PDE7B: variants seen among roughly 807,000 people sequenced by gnomAD.
PDE7B encodes the protein phosphodiesterase 7B, also known as 3',5'-cyclic-AMP phosphodiesterase 7B.
PDE7B carries 29 observed loss-of-function variants against 56.2 expected under a neutral mutation model. The ratio of observed to expected loss-of-function variants is 0.52; its 90% CI spans 0.38 to 0.70. The LOEUF is 0.70. Ranked by LOEUF, PDE7B falls within the 30% of genes least tolerant of loss-of-function variation. PDE7B has a pLI of 0.00. For synonymous variants in PDE7B, 197 were observed against 196.9 expected, an observed-to-expected ratio of 1.00 and a Z score of 0.00; for missense variants, 490 against 565.0, an observed-to-expected ratio of 0.87 and a Z score of 1.35.
At chr6:135,865,615 T>TTGTGTGTGTGTGTGTGTG (rs3037648) in intron 1 of PDE7B, among the ~76,000 whole-genome samples, 5 of 142,270 alleles carry the variant, frequency 3.5e-5, no homozygotes, top group African/African-American at 1.3e-4. Flanking sequence ...GCACTAGGCA[T>TTGTGTGTGTGTGTGTGTG]TGTGTGTGTG....
chr6:136,087,513 C>CTT (rs965536733), intron 2 of PDE7B, among the ~76,000 whole-genome samples: 2 of 152,138 alleles, frequency 1.3e-5, no homozygotes, highest in African/African-American at 4.8e-5. Flanking sequence ...TTTATTCTGA[C>CTT]TTGGAAATTA....
chr6:136,183,306 A>C (rs1208894802), intron 11 of PDE7B, among the ~76,000 whole-genome samples: 3 of 151,844 alleles, frequency 2.0e-5, no homozygotes, highest in Non-Finnish European at 4.4e-5. Flanking sequence ...TTAAGAGAAG[A>C]TTATAGGCTG....
At chr6:135,909,359 A>G (rs1253433895) in intron 1 of PDE7B, among the ~76,000 whole-genome samples, 1 of 152,114 alleles carries the variant, frequency 6.6e-6, no homozygotes, top group African/African-American at 2.4e-5. Context: ...TTCTTCCTAT[A>G]ATCCCAGCAC....
chr6:136,160,523 C>G (rs1778687011), intron 8 of PDE7B, among the ~76,000 whole-genome samples: 1 of 152,136 alleles, frequency 6.6e-6, no homozygotes, highest in Non-Finnish European at 1.5e-5. Flanking sequence ...CCCTTTGCCT[C>G]TCCCCTAGGT....
chr6:136,171,641 T>TA (rs1562512590), intron 8 of PDE7B, among the ~76,000 whole-genome samples: 2 of 152,010 alleles, frequency 1.3e-5, no homozygotes, highest in Admixed American at 6.6e-5. Context: ...TCACTTTTTT[T>TA]TTATTATTAT....
Position 136,147,577 on chromosome 6 carries a change from T to C in PDE7B, c.318+75T>C. On this transcript the variant is annotated intron_variant, in intron 4 of 12. Coordinates refer to ENST00000308191, the MANE Select transcript of PDE7B (RefSeq NM_018945.4). ...GTGCCTCAGCTGATAGCACTGGTGTTGGAGTCCTACTCTGCCTCTGAGGAG... is the reference window on the plus strand; with the variant it reads ...GTGCCTCAGCTGATAGCACTGGTGTCGGAGTCCTACTCTGCCTCTGAGGAG... 2.3e-6 allele frequency: 3 copies of C among 1,277,792 alleles called. No individual in the cohort carries two copies. The Admixed American group carries it at 5.4e-5, about 23-fold the overall frequency. 79.2% of individuals were successfully genotyped at this position (1,277,792 alleles called of 1,614,324 possible). A position where few individuals can be genotyped will look rare whatever the true frequency, so the allele number is the denominator to read the frequency against.
chr6:136,033,733 A>G (rs904124043), intron 2 of PDE7B, among the ~76,000 whole-genome samples: 3 of 152,214 alleles, frequency 2.0e-5, no homozygotes, highest in African/African-American at 7.2e-5. Context: ...AGCTAAGGCC[A>G]GAGTTATCAC....
intron 1 of PDE7B, among the ~76,000 whole-genome samples, chr6:135,943,712 T>C (rs570672883): frequency 5.9e-5 from 9 of 152,284 alleles, no homozygotes; most frequent in African/African-American, 1.9e-4. Context: ...AGTCCACAGA[T>C]ATTTAGTCTA....
At position 136,181,452 on chromosome 6, in the gene PDE7B, T is replaced by G. The variant is rs1404549179; in HGVS notation, c.1045+129T>G. ...CATCAACTCTTGTTATCCTAACCTTTCTCTTTTACTCTCTTGGAACTCATC... is the reference window on the plus strand; with the variant it reads ...CATCAACTCTTGTTATCCTAACCTTGCTCTTTTACTCTCTTGGAACTCATC... On this transcript the variant is annotated intron_variant, in intron 11 of 12. Coordinates refer to ENST00000308191, the MANE Select transcript of PDE7B (RefSeq NM_018945.4). 19 of 642,136 alleles carry G rather than the reference T, an allele frequency of 3.0e-5. No individual in the cohort carries two copies. The East Asian group carries it at 4.9e-4, about 17-fold the overall frequency. The allele number at this position is 642,136 out of a possible 1,614,324, so 39.8% of individuals were successfully genotyped here.
At position 136,004,147 on chromosome 6, in the gene PDE7B, C is replaced by A. The variant is rs1020773687; in HGVS notation, c.82+56623C>A. On this transcript the variant is annotated intron_variant, in intron 2 of 12. Coordinates refer to ENST00000308191, the MANE Select transcript of PDE7B (RefSeq NM_018945.4). ...TGCAGAAAAGGCCTTTGACAAAATT[C>A]AACAACCCTTCATGCTAAAAACTCT... Among the ~76,000 whole-genome samples, 9 of 152,250 alleles carry A rather than the reference C, an allele frequency of 5.9e-5. 1 individual carries two copies. The highest frequency in any genetic ancestry group is 3.3e-4 in the Admixed American group (5 of 15,296).
chr6:136,085,652 A>G (rs11964767), intron 2 of PDE7B, among the ~76,000 whole-genome samples: 3,633 of 152,342 alleles, frequency 0.024, 134 homozygotes, highest in African/African-American at 0.081. Flanking sequence ...CTGGGGATGC[A>G]GCACTGAAGG....
At chr6:135,990,104 T>G (rs1775453530) in intron 2 of PDE7B, among the ~76,000 whole-genome samples, 2 of 150,934 alleles carry the variant, frequency 1.3e-5, no homozygotes, top group South Asian at 2.1e-4. Context: ...TTTTGTTTTT[T>G]TTTTTTTTTG....
chr6:136,157,331 A>G (rs535133222), intron 8 of PDE7B, among the ~76,000 whole-genome samples: 1 of 152,314 alleles, frequency 6.6e-6, no homozygotes, highest in South Asian at 2.1e-4. Flanking sequence ...CTGTAATCTC[A>G]GCACTTTGGG....
At chr6:135,932,766 A>T (rs1487750874) in intron 1 of PDE7B, among the ~76,000 whole-genome samples, 1 of 152,190 alleles carries the variant, frequency 6.6e-6, no homozygotes, top group Non-Finnish European at 1.5e-5. Flanking sequence ...TCCAAAGCCC[A>T]CGTTCTCTGG....
chr6:135,923,902 A>T (rs1265116345), intron 1 of PDE7B, among the ~76,000 whole-genome samples: 2 of 152,202 alleles, frequency 1.3e-5, no homozygotes, highest in African/African-American at 2.4e-5. Flanking sequence ...AACAACTGAG[A>T]TGGTTAGCAG....
chr6:135,940,751 T>A (rs1468735883), intron 1 of PDE7B, among the ~76,000 whole-genome samples: 1 of 152,186 alleles, frequency 6.6e-6, no homozygotes, highest in Non-Finnish European at 1.5e-5. Context: ...CAGCTGCACA[T>A]CATGCAGCTG....
rs372177786 is a variant in PDE7B at position 135,999,812 on chromosome 6, G to A, written c.82+52288G>A. 6.6e-5 allele frequency among the ~76,000 whole-genome samples: 10 copies of A among 152,264 alleles called. No individual in the cohort carries two copies. The East Asian group carries it at 1.3e-3, about 21-fold the overall frequency. On this transcript the variant is annotated intron_variant, in intron 2 of 12. Coordinates refer to ENST00000308191, the MANE Select transcript of PDE7B (RefSeq NM_018945.4). The stretch of plus-strand genomic sequence containing the variant: ...GATTGCTGGGCCGAATAGTAGTTCT[G>A]ATTTTAGCCCTTTGAGGAATTGCCA...
intron 8 of PDE7B, among the ~76,000 whole-genome samples, chr6:136,171,960 C>T (rs545789689): frequency 2.6e-5 from 4 of 152,110 alleles, no homozygotes; most frequent in Non-Finnish European, 4.4e-5. Context: ...CTACAAAGGA[C>T]ATGAACTCAT....
At chr6:135,966,653 CTG>C (rs771161444) in intron 2 of PDE7B, among the ~76,000 whole-genome samples, 2 of 152,188 alleles carry the variant, frequency 1.3e-5, no homozygotes, top group Non-Finnish European at 2.9e-5. Context: ...CCCTTTTTGT[CTG>C]AGAACCATGG....
Sources: allele counts gnomAD v4.1 joint callset (sites outside exome capture counted in the v4.1 genomes callset), GRCh38; gene constraint gnomAD v4.1.1; transcripts MANE v1.5; gene names NCBI Gene and HGNC (gene_info 2026-07-23, HGNC 2026-07-21).